MCPH1: variants seen among roughly 807,000 people sequenced by gnomAD.
The protein encoded by MCPH1 is microcephalin 1.
Under a neutral mutation model 84.5 loss-of-function variants are expected in MCPH1, and 104 were observed. That is an observed-to-expected ratio of 1.23 (90% confidence interval 1.05 to 1.45). MCPH1 has a LOEUF of 1.45. MCPH1 is among the 40% of genes most tolerant of loss of function. The pLI, the probability that MCPH1 is intolerant of heterozygous loss-of-function variation, is 0.00. For synonymous variants in MCPH1, 514 were observed against 366.8 expected (o/e 1.40, Z -4.58); for missense variants, 1,498 against 1,005.7 (o/e 1.49, Z -6.62).
chr8:6,437,977 G>C (rs1043716402), intron 5 of MCPH1, among the ~76,000 whole-genome samples: 5 of 152,038 alleles, frequency 3.3e-5, no homozygotes, highest in Admixed American at 6.6e-5. Flanking sequence ...CCCCTCCCTG[G>C]TTTAAAATTT....
chr8:6,419,794 C>T (rs79272351), intron 3 of MCPH1, among the ~76,000 whole-genome samples: 2,797 of 152,220 alleles, frequency 0.018, 35 homozygotes, highest in Non-Finnish European at 0.028. Context: ...CCACTGCACC[C>T]AGCTGATAAT....
intron 3 of MCPH1, among the ~76,000 whole-genome samples, chr8:6,423,087 C>A (rs1366746289): frequency 6.6e-6 from 1 of 151,312 alleles, no homozygotes; most frequent in Non-Finnish European, 1.5e-5. Flanking sequence ...TCCCAAAGTG[C>A]TAGGATTACA....
chr8:6,486,675 A>T (rs982188732), intron 11 of MCPH1, among the ~76,000 whole-genome samples: 1 of 152,200 alleles, frequency 6.6e-6, no homozygotes, highest in African/African-American at 2.4e-5. Context: ...AGAATAATTT[A>T]TGTTTTTCCT....
At chr8:6,570,098 C>G (rs1355343055) in intron 12 of MCPH1, among the ~76,000 whole-genome samples, 2 of 152,224 alleles carry the variant, frequency 1.3e-5, no homozygotes, top group South Asian at 2.1e-4. Context: ...TCTACATACC[C>G]TTTCATTGTT....
intron 2 of MCPH1, among the ~76,000 whole-genome samples, chr8:6,410,090 C>T (rs35777339): frequency 0.039 from 5,933 of 152,136 alleles, 342 homozygotes; most frequent in East Asian, 0.25. Context: ...CTGCCTCAGC[C>T]TTCCAAGTAT....
chr8:6,636,297 A>G (rs1362783261), intron 13 of MCPH1, among the ~76,000 whole-genome samples: 3 of 148,260 alleles, frequency 2.0e-5, no homozygotes, highest in Non-Finnish European at 4.4e-5. Flanking sequence ...CCAAGATTTC[A>G]CCACTGCACT....
intron 13 of MCPH1, among the ~76,000 whole-genome samples, chr8:6,639,484 G>A (rs1020792384): frequency 6.6e-6 from 1 of 152,038 alleles, no homozygotes; most frequent in East Asian, 1.9e-4. Flanking sequence ...AACATAGAAA[G>A]ACCGTGTCCC....
intron 12 of MCPH1, among the ~76,000 whole-genome samples, chr8:6,531,562 A>C (rs2442603): frequency 1.3e-5 from 2 of 152,014 alleles, no homozygotes; most frequent in African/African-American, 4.8e-5. Flanking sequence ...AAAGTGCTGG[A>C]ATTACAGGCG....
chr8:6,617,182 A>G (rs1405621618), intron 12 of MCPH1: 1 of 148,986 alleles, frequency 6.7e-6, no homozygotes, highest in Non-Finnish European at 1.5e-5. Flanking sequence ...TGAACCAGTT[A>G]TAGCATTTGA....
chr8:6,525,264 T>A (rs1381849095), intron 12 of MCPH1, among the ~76,000 whole-genome samples: 1 of 152,194 alleles, frequency 6.6e-6, no homozygotes, highest in Admixed American at 6.5e-5. Context: ...TGTAAATTAG[T>A]ATGTAATTTT....
chr8:6,584,316 A>T (rs1369109504), intron 12 of MCPH1, among the ~76,000 whole-genome samples: 2 of 152,232 alleles, frequency 1.3e-5, no homozygotes, highest in Non-Finnish European at 2.9e-5. Context: ...TTACATTCAT[A>T]TCACAGTCTA....
rs947705862 is a variant in MCPH1, at chr8:6,421,865, C to T, written c.233+6982C>T. Reference sequence around the variant, plus strand: ...GCGTCTTCCAAATGCTCTGGGCTTCCACGTCCCCAAGGCTACACTCTTTCT... The same window carrying T: ...GCGTCTTCCAAATGCTCTGGGCTTCTACGTCCCCAAGGCTACACTCTTTCT... On this transcript the variant is annotated intron_variant, in intron 3 of 13. Transcript: ENST00000344683. Among the ~76,000 whole-genome samples the T allele has an allele frequency of 1.6e-4, 24 of 152,084 alleles. 1 individual carries two copies. The highest frequency in any genetic ancestry group is 5.8e-4 in the African/African-American group (24 of 41,388).
At chr8:6,636,995 T>A (rs1201144579) in intron 13 of MCPH1, among the ~76,000 whole-genome samples, 1 of 152,242 alleles carries the variant, frequency 6.6e-6, no homozygotes, top group Non-Finnish European at 1.5e-5. Flanking sequence ...GTATCAGCGA[T>A]GTGAATGTCT....
At chr8:6,424,278 A>G (rs1040378596) in intron 3 of MCPH1, among the ~76,000 whole-genome samples, 12 of 152,194 alleles carry the variant, frequency 7.9e-5, no homozygotes, top group African/African-American at 2.9e-4. Flanking sequence ...TATCATTTTT[A>G]AACAACTGCA....
chr8:6,592,746 C>A (rs960237465), intron 12 of MCPH1, among the ~76,000 whole-genome samples: 1 of 150,996 alleles, frequency 6.6e-6, no homozygotes, highest in African/African-American at 2.4e-5. Context: ...CCTCTGCCTC[C>A]CAGGCTGAAG....
chr8:6,514,587 G>C (rs1198783238), intron 12 of MCPH1: 23 of 1,148,296 alleles, frequency 2.0e-5, no homozygotes, highest in Non-Finnish European at 2.7e-5. Flanking sequence ...TCATTGGTTA[G>C]TTTGGGATTG....
At chr8:6,434,697 C>A (rs1802383691) in intron 4 of MCPH1, among the ~76,000 whole-genome samples, 1 of 152,106 alleles carries the variant, frequency 6.6e-6, no homozygotes, top group Non-Finnish European at 1.5e-5. Context: ...AGGCATTAGC[C>A]TTGAGTAGCT....
At chr8:6,534,747 C>G (rs1012779510) in intron 12 of MCPH1, among the ~76,000 whole-genome samples, 3 of 152,164 alleles carry the variant, frequency 2.0e-5, no homozygotes, top group Non-Finnish European at 4.4e-5. Context: ...TCTTACTAAC[C>G]GTTTCTCAGA....
At chr8:6,611,821 T>C (rs1391199658) in intron 12 of MCPH1, among the ~76,000 whole-genome samples, 1 of 151,988 alleles carries the variant, frequency 6.6e-6, no homozygotes, top group Non-Finnish European at 1.5e-5. Context: ...GGTTTCACCG[T>C]GTTAGCCAGG....
Sources: allele counts gnomAD v4.1 joint callset (sites outside exome capture counted in the v4.1 genomes callset), GRCh38; gene constraint gnomAD v4.1.1; transcripts MANE v1.5; gene names NCBI Gene and HGNC (gene_info 2026-07-23, HGNC 2026-07-21).